Variants in PDPR observed in about 807,000 individuals in gnomAD.
PDPR encodes the protein pyruvate dehydrogenase phosphatase regulatory subunit, mitochondrial.
A neutral mutation model predicts 102.2 loss-of-function variants in PDPR; 50 were observed. That is an observed-to-expected ratio of 0.49 (90% confidence interval 0.39 to 0.62). PDPR has a LOEUF of 0.62. Ranked by LOEUF, PDPR falls within the 20% of genes least tolerant of loss-of-function variation. The probability of loss-of-function intolerance (pLI) is 0.00; values close to 1 mark genes in which losing one functional copy is unlikely to be tolerated. For missense variants in PDPR, 625 were observed against 1,098.2 expected, an observed-to-expected ratio of 0.57 and a Z score of 6.09; for synonymous variants, 259 against 406.0, an observed-to-expected ratio of 0.64 and a Z score of 4.35.
chr16:70,154,076 A>G (rs1966868937), intron 18 of PDPR, among the ~76,000 whole-genome samples: 1 of 152,284 alleles, frequency 6.6e-6, no homozygotes, highest in South Asian at 2.1e-4. Flanking sequence ...GAATGGCGTG[A>G]ACCCAGGAGG....
At chr16:70,153,348 T>A (rs1322299908) in intron 17 of PDPR, 43 bp from the exon 18 acceptor site, 1 of 1,577,004 alleles carries the variant, frequency 6.3e-7, no homozygotes, top group Non-Finnish European at 8.6e-7. Flanking sequence ...CATGCTTAAT[T>A]CTGAAGGTCT....
Position 70,127,369 on chromosome 16 carries a change from G to A in PDPR, c.337G>A (p.Glu113Lys), listed in dbSNP as rs1331858334. 6.2e-7 allele frequency: 1 copy of A among 1,609,538 alleles called. No homozygotes were observed. The highest frequency in any genetic ancestry group is 2.2e-5 in the East Asian group (1 of 44,862). ...DYSNKLYYQL[E>K]QETGIQTGYT... ...CTCAAACAAACTCTACTATCAGTTA[G>A]AGCAAGAAACAGGGATCCAAACAGG... Residue 113 changes from glutamate (E) to lysine (K), a missense_variant, in exon 4 of 19, where the codon GAG becomes AAG. Around this residue, in one of 11 missense-constraint regions of PDPR, gnomAD observed 24 missense variants for 61.7 expected, o/e 0.39. Transcript: ENST00000288050.
At chr16:70,123,802 C>A (rs1304902121) in intron 3 of PDPR, among the ~76,000 whole-genome samples, 3 of 152,272 alleles carry the variant, frequency 2.0e-5, no homozygotes, top group Non-Finnish European at 2.9e-5. Context: ...CCTGTAATCC[C>A]AGGACTTTGG....
chr16:70,122,212 C>G (rs1300065346), intron 3 of PDPR, among the ~76,000 whole-genome samples: 1 of 152,268 alleles, frequency 6.6e-6, no homozygotes, highest in Admixed American at 6.5e-5. Context: ...GTCTTGGACT[C>G]CTGACCTCCA....
At chr16:70,144,562 A>G in intron 15 of PDPR, 29 bp downstream of exon 15, 1 of 548,164 alleles carries the variant, frequency 1.8e-6, no homozygotes, top group South Asian at 1.9e-5. Flanking sequence ...TGCCACGTCG[A>G]AAAGGCCAGC....
Position 70,129,078 on chromosome 16 carries a change from C to G in PDPR, c.563C>G (p.Ser188Cys), listed in dbSNP as rs561655511. 1 of 1,613,874 alleles carries G rather than the reference C, an allele frequency of 6.2e-7. No individual in the cohort carries two copies. Among genetic ancestry groups the G allele is most frequent in the South Asian group, 1.1e-5 (1 of 91,052 alleles). ...MHVPEDAVVS[S>C]ADVALALASA... is the part of the protein sequence containing the mutation. ...GTTCCCGAGGATGCAGTGGTGTCTT[C>G]CGCTGACGTGGCTCTTGCCCTGGCA... Residue 188 changes from serine (S) to cysteine (C), a missense_variant, in exon 6 of 19, where the codon TCC (serine) becomes TGC (cysteine). Physicochemically the swap from Ser to Cys is moderately radical, Grantham distance 112 (BLOSUM62 -1). Coordinates refer to ENST00000288050, the MANE Select transcript of PDPR (RefSeq NM_017990.5).
chr16:70,161,501 A>G lies in PDPR; in HGVS notation c.*4622A>G, dbSNP rs1967787679. 2 of 153,200 alleles carry G rather than the reference A, an allele frequency of 1.3e-5. No homozygotes were observed. The highest frequency in any genetic ancestry group is 2.4e-5 in the African/African-American group (1 of 41,596). The allele number at this position is 153,200 out of a possible 1,614,324, so 9.5% of individuals were successfully genotyped here. ...GGAGAAGCACAGTTGAGTGGAAGAA[A>G]TGGTAGACTTGTGAGGCTTGCCCCA... On this transcript the variant is annotated 3_prime_UTR_variant, in exon 19 of 19. Transcript: ENST00000288050.
Position 70,148,571 on chromosome 16 carries a change from C to A in PDPR, c.2052+18C>A, listed in dbSNP as rs1555528741. On this transcript the variant is annotated intron_variant, in intron 17 of 18. Coordinates refer to ENST00000288050, the MANE Select transcript of PDPR (RefSeq NM_017990.5). The stretch of plus-strand genomic sequence containing the variant: ...CCATAGAGGTGAGAGGGCACCCTTC[C>A]CTTCCCTTCCCTTCACTTCCCTTCC... The A allele has an allele frequency of 6.3e-7, 1 of 1,580,314 alleles. No individual in the cohort carries two copies. The highest frequency in any genetic ancestry group is 2.3e-5 in the East Asian group (1 of 44,148).
At chr16:70,141,583 A>G (rs1246194934) in intron 11 of PDPR, among the ~76,000 whole-genome samples, 5 of 152,264 alleles carry the variant, frequency 3.3e-5, no homozygotes, top group Non-Finnish European at 7.3e-5. Context: ...CCTGTGTCCC[A>G]CTTAGTAACC....
chr16:70,124,668 T>C (rs1302186623), intron 3 of PDPR, among the ~76,000 whole-genome samples: 22 of 152,226 alleles, frequency 1.4e-4, no homozygotes, highest in African/African-American at 9.6e-5. Context: ...AGGAGTGCTA[T>C]CCCAGCAGAG....
intron 18 of PDPR, among the ~76,000 whole-genome samples, chr16:70,155,629 A>T (rs1323520786): frequency 6.6e-6 from 1 of 152,142 alleles, no homozygotes; most frequent in Non-Finnish European, 1.5e-5. Context: ...ACCTCAGGAG[A>T]TCCCCCCGCC....
chr16:70,130,579 C>T (rs1454751452), intron 7 of PDPR, 35 bp downstream of exon 7: 6 of 1,611,808 alleles, frequency 3.7e-6, no homozygotes, highest in Middle Eastern at 1.7e-4. Flanking sequence ...TCTTATTTAA[C>T]GTTTGTCTCC....
chr16:70,161,350 C>G lies in PDPR; in HGVS notation c.*4471C>G, dbSNP rs1435779201. 2 of 153,852 alleles carry G rather than the reference C, an allele frequency of 1.3e-5. No homozygotes were observed. Among genetic ancestry groups the G allele is most frequent in the African/African-American group, 4.8e-5 (2 of 41,426 alleles). 9.5% of individuals were successfully genotyped at this position (153,852 alleles called of 1,614,324 possible). A position where few individuals can be genotyped will look rare whatever the true frequency, so the allele number is the denominator to read the frequency against. On this transcript the variant is annotated 3_prime_UTR_variant, in exon 19 of 19. Coordinates refer to ENST00000288050, the MANE Select transcript of PDPR (RefSeq NM_017990.5). ...GTGCTTAATAATAAATAAGAACCTCCTGCCATTCTAATTTTCCTGCTGCAC... is the reference window on the plus strand; with the variant it reads ...GTGCTTAATAATAAATAAGAACCTCGTGCCATTCTAATTTTCCTGCTGCAC...
intron 3 of PDPR, among the ~76,000 whole-genome samples, chr16:70,125,770 A>G (rs1424917704): frequency 3.9e-5 from 6 of 152,092 alleles, no homozygotes; most frequent in Non-Finnish European, 7.4e-5. Flanking sequence ...AATAGCTGGG[A>G]TTACAGACGC....
chr16:70,126,413 G>C (rs543871705), intron 3 of PDPR, among the ~76,000 whole-genome samples: 3 of 152,390 alleles, frequency 2.0e-5, no homozygotes, highest in East Asian at 3.9e-4. Flanking sequence ...ACCCAGGCTG[G>C]AACGCCGTGG....
downstream of PDPR, among the ~76,000 whole-genome samples, chr16:70,163,097 C>T (rs748062376): frequency 4.6e-5 from 7 of 152,366 alleles, no homozygotes; most frequent in Middle Eastern, 3.4e-3. Flanking sequence ...TACAGGCACG[C>T]GCCACCATGC....
At chr16:70,130,246 C>T (rs1401463780) in intron 6 of PDPR, among the ~76,000 whole-genome samples, 177 bp from the exon 7 acceptor site, 6 of 152,234 alleles carry the variant, frequency 3.9e-5, no homozygotes, top group Non-Finnish European at 5.9e-5. Flanking sequence ...CAAGATCGCA[C>T]GACTACACTC....
At chr16:70,148,412 C>T (rs1009142555) in intron 16 of PDPR, 52 bp from the exon 17 acceptor site, 1 of 1,296,778 alleles carries the variant, frequency 7.7e-7, no homozygotes, top group African/African-American at 1.5e-5. Context: ...GGCGTCCCTC[C>T]CTTGACAAGT....
chr16:70,131,750 C>T (rs559810563), intron 8 of PDPR: 1 of 985,372 alleles, frequency 1.0e-6, no homozygotes, highest in Admixed American at 6.1e-5. Flanking sequence ...AAACAATAGA[C>T]TTAGGTGGGT....
Sources: gnomAD v4.1 joint callset for allele counts (sites outside exome capture counted in the v4.1 genomes callset) on GRCh38, gnomAD v4.1.1 for gene constraint, gnomAD v4.1.1 regional missense constraint, MANE v1.5 for transcripts, NCBI Gene and HGNC (gene_info 2026-07-23, HGNC 2026-07-21) for gene names.